Variants in DCAF6 observed in about 807,000 individuals in gnomAD.
DCAF6 encodes the protein DDB1- and CUL4-associated factor 6.
In DCAF6, 54 loss-of-function variants were observed where a neutral mutation model predicts 125.1. The observed-to-expected ratio is 0.43, with a 90% CI of 0.35 to 0.54. DCAF6 has a LOEUF of 0.54. Among genes scored for constraint, DCAF6 ranks in the 20% least tolerant of loss-of-function variants. The pLI is 0.01. For synonymous variants in DCAF6, 371 were observed against 390.4 expected, an observed-to-expected ratio of 0.95 and a Z score of 0.58; for missense variants, 934 against 1,161.7, an observed-to-expected ratio of 0.80 and a Z score of 2.85.
intron 8 of DCAF6, among the ~76,000 whole-genome samples, chr1:168,002,972 T>C (rs1682846469): frequency 6.6e-6 from 1 of 152,116 alleles, no homozygotes; most frequent in African/African-American, 2.4e-5. Flanking sequence ...TCAAGTGCCT[T>C]TGATAAGCAT....
At chr1:167,880,277 G>T in the DCAF6 span, 1 of 1,276,956 alleles carries the variant, frequency 7.8e-7, no homozygotes, top group Non-Finnish European at 1.1e-6. Flanking sequence ...ATAATGTCTG[G>T]GTTGGGAAAG....
Position 168,009,382 on chromosome 1 carries a change from CCTTCCTTT to C in DCAF6, c.1378+4593_1378+4600del, listed in dbSNP as rs1218321129. Among the ~76,000 whole-genome samples, 361 of 108,032 alleles carry C rather than the reference CCTTCCTTT, an allele frequency of 3.3e-3. 3 individuals carry two copies. The highest frequency in any genetic ancestry group is 0.013 in the South Asian group (54 of 4,108). 70.9% of individuals were successfully genotyped at this position (108,032 alleles called of 152,430 possible). On this transcript the variant is annotated intron_variant, in intron 10 of 21. Transcript: ENST00000367840. ...TCCTTCCTTCCTTCCTTCCTTCCTT[CCTTCCTTT>C]CTTTCTTTCTTTCTCTCTCTCTCTT...
At chr1:167,892,715 A>G in the DCAF6 span, among the ~76,000 whole-genome samples, 4 of 152,202 alleles carry the variant, frequency 2.6e-5, no homozygotes, top group African/African-American at 9.7e-5. Context: ...ATACCTCTCC[A>G]ATTCACTCTA....
At chr1:167,940,864 G>A (rs987544812) in intron 1 of DCAF6, among the ~76,000 whole-genome samples, 1 of 152,116 alleles carries the variant, frequency 6.6e-6, no homozygotes, top group African/African-American at 2.4e-5. Flanking sequence ...TATAAAATGT[G>A]TAAATTATGA....
At chr1:167,866,519 A>T in the DCAF6 span, among the ~76,000 whole-genome samples, 1 of 120,900 alleles carries the variant, frequency 8.3e-6, no homozygotes, top group Non-Finnish European at 1.6e-5. Context: ...GAAAGTGCAC[A>T]CTCTATGTGC....
chr1:167,883,859 A>G, the DCAF6 span, among the ~76,000 whole-genome samples: 1 of 152,192 alleles, frequency 6.6e-6, no homozygotes, highest in Non-Finnish European at 1.5e-5. Flanking sequence ...CAACCACTCC[A>G]TTACCCCAAC....
chr1:168,040,227 G>C (rs955034092), intron 13 of DCAF6, among the ~76,000 whole-genome samples: 1 of 151,988 alleles, frequency 6.6e-6, no homozygotes, highest in South Asian at 2.1e-4. Flanking sequence ...AGACTCTGAA[G>C]CAGAAGCATC....
chr1:167,902,210 C>A, the DCAF6 span, among the ~76,000 whole-genome samples: 1 of 152,130 alleles, frequency 6.6e-6, no homozygotes, highest in South Asian at 2.1e-4. Context: ...GCCACTTAAC[C>A]CATTTGAGTC....
intron 18 of DCAF6, among the ~76,000 whole-genome samples, chr1:168,064,240 G>A (rs950052176): frequency 6.6e-6 from 1 of 151,934 alleles, no homozygotes; most frequent in Non-Finnish European, 1.5e-5. Flanking sequence ...TGACTTACCA[G>A]ATGAAATAAG....
the DCAF6 span, chr1:167,901,718 T>G: frequency 6.2e-7 from 1 of 1,614,216 alleles, no homozygotes; most frequent in Non-Finnish European, 8.5e-7. Context: ...AAACAATCCA[T>G]GGATCTCCAG....
chr1:167,957,935 T>C (rs1051099381), intron 2 of DCAF6, among the ~76,000 whole-genome samples: 4 of 152,196 alleles, frequency 2.6e-5, no homozygotes, highest in African/African-American at 9.6e-5. Flanking sequence ...GTCATTTACA[T>C]ACCTTCTTTG....
chr1:168,018,263 T>C (rs903900415), intron 11 of DCAF6, among the ~76,000 whole-genome samples: 2 of 152,204 alleles, frequency 1.3e-5, no homozygotes, highest in Admixed American at 1.3e-4. Flanking sequence ...TTCTTGGCAA[T>C]TGAAGACTAA....
upstream of DCAF6, among the ~76,000 whole-genome samples, chr1:167,935,360 A>G (rs759447471): frequency 1.3e-5 from 2 of 152,218 alleles, no homozygotes; most frequent in Non-Finnish European, 2.9e-5. Flanking sequence ...AGCTCTGCCT[A>G]GAGTGGGTTA....
At chr1:168,053,056 G>A (rs530120145) in intron 17 of DCAF6, among the ~76,000 whole-genome samples, 2 of 152,254 alleles carry the variant, frequency 1.3e-5, no homozygotes, top group Admixed American at 6.5e-5. Flanking sequence ...TTAAGTCAGC[G>A]TATCTTTACA....
intron 4 of DCAF6, among the ~76,000 whole-genome samples, chr1:167,986,273 A>T (rs748360354): frequency 6.6e-6 from 1 of 152,114 alleles, no homozygotes; most frequent in African/African-American, 2.4e-5. Flanking sequence ...ATAGATATTG[A>T]TACATAGTTT....
chr1:168,057,608 A>G (rs1470039319), intron 17 of DCAF6, among the ~76,000 whole-genome samples: 1 of 152,200 alleles, frequency 6.6e-6, no homozygotes, highest in Non-Finnish European at 1.5e-5. Context: ...GTTATGTGCT[A>G]GATACTCTGG....
chr1:168,065,674 G>A lies in DCAF6; in HGVS notation c.2524G>A (p.Ala842Thr). 6.2e-7 allele frequency: 1 copy of A among 1,613,392 alleles called. No individual in the cohort carries two copies. Among genetic ancestry groups the A allele is most frequent in the South Asian group, 1.1e-5 (1 of 90,962 alleles). The part of the protein sequence containing the change: ...GHIFIWDRHT[A>T]EHLMLLEADN... ...CATTTTCATCTGGGATCGGCACACT[G>A]CTGAGCATTTGATGCTTCTGGAAGC... Residue 842 changes from alanine to threonine, a missense_variant, in exon 19 of 22, where the codon GCT (alanine) becomes ACT (threonine). Ala to Thr is a moderately conservative substitution (Grantham distance 58). Around this residue, in one of 5 missense-constraint regions of DCAF6, gnomAD observed 559 missense variants for 635.5 expected, o/e 0.88. Coordinates refer to ENST00000367840, the MANE Select transcript of DCAF6 (RefSeq NM_001198956.2).
chr1:167,870,646 A>AG, the DCAF6 span, among the ~76,000 whole-genome samples: 1 of 150,434 alleles, frequency 6.6e-6, no homozygotes, highest in Admixed American at 6.6e-5. Flanking sequence ...TACAAAAAAA[A>AG]AAAAAAAAAA....
chr1:167,868,788 A>G, the DCAF6 span, among the ~76,000 whole-genome samples: 1 of 152,226 alleles, frequency 6.6e-6, no homozygotes, highest in Non-Finnish European at 1.5e-5. Flanking sequence ...AAATTATACA[A>G]TACTATAGGC....
Sources: allele counts gnomAD v4.1 joint callset (sites outside exome capture counted in the v4.1 genomes callset), GRCh38; gene constraint gnomAD v4.1.1; regional missense constraint gnomAD v4.1.1; transcripts MANE v1.5; gene names NCBI Gene and HGNC (gene_info 2026-07-23, HGNC 2026-07-21).